The following STK3 variants were observed in gnomAD, a reference collection of about 807,000 sequenced individuals.
The protein encoded by STK3 is serine/threonine kinase 3.
A neutral mutation model predicts 58.0 loss-of-function variants in STK3; 41 were observed. The observed-to-expected ratio is 0.71, with a 90% confidence interval of 0.55 to 0.92. The LOEUF (loss-of-function observed/expected upper bound fraction) is 0.92. STK3 is among the 40% of genes least tolerant of loss of function. The pLI is 0.00. For synonymous variants in STK3, 170 were observed against 191.0 expected (o/e 0.89, Z 0.91); for missense variants, 479 against 602.7 (o/e 0.79, Z 2.15).
intron 10 of STK3, among the ~76,000 whole-genome samples, chr8:98,520,269 A>G (rs1825252352): frequency 6.6e-6 from 1 of 152,152 alleles, no homozygotes; most frequent in Non-Finnish European, 1.5e-5. Context: ...AATATATTTT[A>G]TCTCCTATCT....
intron 3 of STK3, chr8:98,429,288 A>AAGG: frequency 6.2e-7 from 1 of 1,614,110 alleles, no homozygotes; most frequent in Non-Finnish European, 8.5e-7. Flanking sequence ...AGATGGAATG[A>AAGG]AGGAGGTCCC....
chr8:98,458,132 CACAT>C (rs541050827), intron 10 of STK3, among the ~76,000 whole-genome samples: 18 of 152,098 alleles, frequency 1.2e-4, no homozygotes, highest in South Asian at 8.3e-4. Context: ...CACACACACA[CACAT>C]GTGCACACAC....
At chr8:98,585,595 A>G (rs1392241342) in intron 7 of STK3, among the ~76,000 whole-genome samples, 160 of 149,006 alleles carry the variant, frequency 1.1e-3, no homozygotes, top group Admixed American at 1.6e-3. Flanking sequence ...TTTTGGTTCC[A>G]TATGAACTTT....
intron 3 of STK3, among the ~76,000 whole-genome samples, chr8:98,878,706 G>T (rs1837662629): frequency 6.6e-6 from 1 of 152,048 alleles, no homozygotes; most frequent in African/African-American, 2.4e-5. Context: ...TGCTCCATTT[G>T]TAAGGGTGCA....
At chr8:98,356,209 TC>T in the STK3 span, among the ~76,000 whole-genome samples, 1 of 152,170 alleles carries the variant, frequency 6.6e-6, no homozygotes, top group African/African-American at 2.4e-5. Flanking sequence ...CTGTTCTGGG[TC>T]CCCCTTGAAT....
chr8:98,812,331 C>T (rs1834281193), intron 1 of STK3, among the ~76,000 whole-genome samples: 1 of 152,120 alleles, frequency 6.6e-6, no homozygotes, highest in African/African-American at 2.4e-5. Flanking sequence ...ATCAAAACCA[C>T]AATGTGATAC....
chr8:98,912,252 G>A (rs763647431), intron 1 of STK3, among the ~76,000 whole-genome samples: 4 of 152,126 alleles, frequency 2.6e-5, no homozygotes, highest in African/African-American at 9.7e-5. Flanking sequence ...GGTGGCGCAC[G>A]CCTGTAATCC....
chr8:98,844,848 C>A (rs1305480476), intron 3 of STK3, among the ~76,000 whole-genome samples: 1 of 152,168 alleles, frequency 6.6e-6, no homozygotes, highest in Non-Finnish European at 1.5e-5. Flanking sequence ...TCTAAATATG[C>A]ACTGGGGCAA....
intron 6 of STK3, among the ~76,000 whole-genome samples, chr8:98,610,182 T>C (rs560843207): frequency 1.1e-5 from 1 of 91,814 alleles, no homozygotes; most frequent in African/African-American, 6.5e-5. Flanking sequence ...TGTACCAAAA[T>C]GTTTCAAAAC....
At chr8:98,574,462 A>G (rs1389899064) in intron 8 of STK3, among the ~76,000 whole-genome samples, 1 of 152,186 alleles carries the variant, frequency 6.6e-6, no homozygotes, top group East Asian at 1.9e-4. Context: ...TTTCTGACAG[A>G]TCCATGCAGT....
At chr8:98,423,104 G>A (rs1457272362) in intron 3 of STK3, among the ~76,000 whole-genome samples, 1 of 152,198 alleles carries the variant, frequency 6.6e-6, no homozygotes, top group African/African-American at 2.4e-5. Context: ...CCTTCTTGAT[G>A]CATCAGGAGG....
chr8:98,491,201 CAG>C (rs1175906962), intron 10 of STK3, among the ~76,000 whole-genome samples: 81 of 105,066 alleles, frequency 7.7e-4, no homozygotes, highest in Non-Finnish European at 4.7e-4. Flanking sequence ...GAGAGAGAGA[CAG>C]AGAGAGAGAG....
chr8:98,766,425 C>T (rs1472278532), intron 3 of STK3, among the ~76,000 whole-genome samples: 1 of 152,124 alleles, frequency 6.6e-6, no homozygotes, highest in African/African-American at 2.4e-5. Flanking sequence ...ACATCAAAAA[C>T]TCATTCTCAT....
chr8:98,568,059 TA>T (rs1812635711), intron 8 of STK3, among the ~76,000 whole-genome samples: 1 of 139,576 alleles, frequency 7.2e-6, no homozygotes, highest in Non-Finnish European at 1.5e-5. Flanking sequence ...CTGTCTTAGA[TA>T]GATGATAGAT....
At chr8:98,905,372 C>G (rs1838853549) in intron 1 of STK3, 1 of 1,103,912 alleles carries the variant, frequency 9.1e-7, no homozygotes, top group East Asian at 2.4e-5. Flanking sequence ...CTGGACCATA[C>G]TTCTCAAACT....
intron 4 of STK3, among the ~76,000 whole-genome samples, chr8:98,727,207 A>T (rs1478126895): frequency 6.6e-6 from 1 of 152,192 alleles, no homozygotes; most frequent in Non-Finnish European, 1.5e-5. Flanking sequence ...TGCTCAGAGA[A>T]GGGCACATGA....
At chr8:98,386,542 T>A (rs990932935) in intron 1 of STK3, among the ~76,000 whole-genome samples, 1 of 152,208 alleles carries the variant, frequency 6.6e-6, no homozygotes, top group Non-Finnish European at 1.5e-5. Context: ...TATATATACA[T>A]ATTGGTTATA....
chr8:98,569,054 C>G (rs1001858264), intron 8 of STK3, among the ~76,000 whole-genome samples: 6 of 152,148 alleles, frequency 3.9e-5, no homozygotes, highest in African/African-American at 1.4e-4. Flanking sequence ...CTCCCACATT[C>G]AAACATTCAA....
intron 6 of STK3, among the ~76,000 whole-genome samples, chr8:98,604,529 C>T (rs1389306095): frequency 1.3e-5 from 2 of 152,176 alleles, no homozygotes; most frequent in Admixed American, 6.5e-5. Context: ...AAGACTCTAA[C>T]CCCATATTTC....
Sources: gnomAD v4.1 joint callset for allele counts (sites outside exome capture counted in the v4.1 genomes callset) on GRCh38, gnomAD v4.1.1 for gene constraint, MANE v1.5 for transcripts, NCBI Gene and HGNC (gene_info 2026-07-23, HGNC 2026-07-21) for gene names.